The following DPP10 variants were observed in gnomAD, a reference collection of about 807,000 sequenced individuals.
The protein encoded by DPP10 is inactive dipeptidyl peptidase 10.
Under a neutral mutation model 120.9 loss-of-function variants are expected in DPP10, and 33 were observed. The ratio of observed to expected loss-of-function variants is 0.27; its 90% CI spans 0.21 to 0.37. The LOEUF (loss-of-function observed/expected upper bound fraction) is 0.37, where lower values mean the gene tolerates loss of function less well. Among genes scored for constraint, DPP10 ranks in the 10% least tolerant of loss-of-function variants. DPP10 has a pLI of 1.00. For synonymous variants in DPP10, 337 were observed against 326.1 expected, an observed-to-expected ratio of 1.03 and a Z score of -0.36; for missense variants, 816 against 942.8, an observed-to-expected ratio of 0.87 and a Z score of 1.76.
chr2:115,793,745 G>A (rs1237598772), intron 19 of DPP10, among the ~76,000 whole-genome samples: 1 of 151,832 alleles, frequency 6.6e-6, no homozygotes, highest in East Asian at 1.9e-4. Flanking sequence ...GTTATATATA[G>A]TTATATATTG....
intron 1 of DPP10, among the ~76,000 whole-genome samples, chr2:114,973,371 T>A (rs552248177): frequency 4.7e-5 from 7 of 150,098 alleles, no homozygotes; most frequent in African/African-American, 1.5e-4. Flanking sequence ...TAAAAAAAAG[T>A]TAACTGTAGG....
intron 1 of DPP10, among the ~76,000 whole-genome samples, chr2:114,695,710 T>C (rs1573986779): frequency 1.3e-5 from 2 of 152,096 alleles, no homozygotes; most frequent in East Asian, 1.9e-4. Context: ...AATTCTTTTA[T>C]GGTTCCAGGG....
Position 114,985,954 on chromosome 2 carries a change from A to G in DPP10, c.61-323285A>G, listed in dbSNP as rs1700368483. Reference sequence around the variant, plus strand: ...ACACAAACACTTATGAGTTTTTAGAATGCACAAGTAAGTGGAATATCTTGA... The same window carrying G: ...ACACAAACACTTATGAGTTTTTAGAGTGCACAAGTAAGTGGAATATCTTGA... On this transcript the variant is annotated intron_variant, in intron 1 of 25. Coordinates refer to ENST00000410059, the MANE Select transcript of DPP10 (RefSeq NM_020868.6). Among the ~76,000 whole-genome samples, 4 of 152,224 alleles carry G rather than the reference A, an allele frequency of 2.6e-5. No homozygotes were observed. In the South Asian group the frequency reaches 8.3e-4, roughly 31 times the overall value.
chr2:114,652,893 C>T (rs1438043675), intron 1 of DPP10, among the ~76,000 whole-genome samples: 1 of 151,644 alleles, frequency 6.6e-6, no homozygotes, highest in Non-Finnish European at 1.5e-5. Flanking sequence ...TTAAAAGGAA[C>T]AGGAAAGTGC....
chr2:114,909,706 G>C (rs1208812042), intron 1 of DPP10, among the ~76,000 whole-genome samples: 1 of 152,024 alleles, frequency 6.6e-6, no homozygotes, highest in African/African-American at 2.4e-5. Context: ...TTAGAAAAAA[G>C]AAAACAACTG....
At chr2:115,748,570 TG>T (rs1338523628) in intron 10 of DPP10, among the ~76,000 whole-genome samples, 9 of 152,118 alleles carry the variant, frequency 5.9e-5, no homozygotes, top group Non-Finnish European at 1.2e-4. Flanking sequence ...ACCTCCACAC[TG>T]GAGAACAACA....
At chr2:115,334,745 G>A (rs1397063831) in intron 2 of DPP10, among the ~76,000 whole-genome samples, 1 of 151,804 alleles carries the variant, frequency 6.6e-6, no homozygotes, top group Non-Finnish European at 1.5e-5. Flanking sequence ...ATAATGTGAA[G>A]GTGCTTTATA....
chr2:114,537,076 G>A (rs771609366), intron 1 of DPP10, among the ~76,000 whole-genome samples: 2 of 152,136 alleles, frequency 1.3e-5, no homozygotes, highest in Non-Finnish European at 2.9e-5. Flanking sequence ...TGGGTGAAGG[G>A]GCTCTACTCT....
At chr2:115,590,303 G>T (rs2082567632) in intron 5 of DPP10, among the ~76,000 whole-genome samples, 1 of 151,922 alleles carries the variant, frequency 6.6e-6, no homozygotes, top group Non-Finnish European at 1.5e-5. Flanking sequence ...ATCTCCTAAT[G>T]CTATCCCTCC....
chr2:115,253,869 A>G (rs1389301039), intron 1 of DPP10, among the ~76,000 whole-genome samples: 5 of 152,182 alleles, frequency 3.3e-5, no homozygotes, highest in South Asian at 4.1e-4. Flanking sequence ...TCACTAGGCA[A>G]TGCCACAGTG....
intron 1 of DPP10, among the ~76,000 whole-genome samples, chr2:114,573,665 A>T (rs953054935): frequency 1.3e-5 from 2 of 152,172 alleles, no homozygotes; most frequent in African/African-American, 4.8e-5. Context: ...AGTTCTAGAG[A>T]GTTTTAAGGG....
intron 1 of DPP10, among the ~76,000 whole-genome samples, chr2:115,186,704 C>T (rs1197084336): frequency 2.0e-5 from 3 of 152,118 alleles, no homozygotes; most frequent in Admixed American, 6.6e-5. Flanking sequence ...CTATCATATA[C>T]AGTTCTAGGA....
At chr2:115,090,254 T>G (rs144041728) in intron 1 of DPP10, among the ~76,000 whole-genome samples, 8 of 152,326 alleles carry the variant, frequency 5.3e-5, no homozygotes, top group Non-Finnish European at 1.2e-4. Flanking sequence ...CTTGCTAGTG[T>G]GCATTTATCA....
intron 1 of DPP10, among the ~76,000 whole-genome samples, chr2:115,126,764 A>G (rs77132184): frequency 0.034 from 5,139 of 152,170 alleles, 83 homozygotes; most frequent in African/African-American, 0.038. Context: ...CATTTGTACT[A>G]ATTACTGTGA....
intron 1 of DPP10, among the ~76,000 whole-genome samples, chr2:114,653,025 AGAGT>A (rs770361046): frequency 1.4e-3 from 168 of 118,914 alleles, no homozygotes; most frequent in Non-Finnish European, 2.1e-3. Flanking sequence ...AGAGAGAGAG[AGAGT>A]GTGTGTGTGT....
intron 5 of DPP10, among the ~76,000 whole-genome samples, chr2:115,681,313 A>G (rs955051504): frequency 1.3e-5 from 2 of 151,844 alleles, no homozygotes; most frequent in Non-Finnish European, 3.0e-5. Context: ...AGGTAAATAC[A>G]TATATTATAA....
intron 7 of DPP10, among the ~76,000 whole-genome samples, chr2:115,721,068 G>T (rs1227794242): frequency 6.6e-6 from 1 of 152,186 alleles, no homozygotes; most frequent in Non-Finnish European, 1.5e-5. Flanking sequence ...GGAAGGTGAA[G>T]CTTAGGATTC....
At chr2:115,752,969 A>C (rs1678937714) in intron 10 of DPP10, among the ~76,000 whole-genome samples, 1 of 152,184 alleles carries the variant, frequency 6.6e-6, no homozygotes, top group African/African-American at 2.4e-5. Flanking sequence ...GTGAATACAT[A>C]CATACACATA....
intron 1 of DPP10, among the ~76,000 whole-genome samples, chr2:114,567,118 C>T (rs1689264575): frequency 6.6e-6 from 1 of 152,176 alleles, no homozygotes; most frequent in African/African-American, 2.4e-5. Context: ...GTGTTAACGG[C>T]TGAGATCACT....
Sources: allele counts gnomAD v4.1 joint callset (sites outside exome capture counted in the v4.1 genomes callset), GRCh38; gene constraint gnomAD v4.1.1; transcripts MANE v1.5; gene names NCBI Gene and HGNC (gene_info 2026-07-23, HGNC 2026-07-21).